Variants in MRPL49 observed in about 807,000 individuals in gnomAD.
The protein encoded by MRPL49 is mitochondrial ribosomal protein L49.
In MRPL49, 14 loss-of-function variants were observed where a neutral mutation model predicts 18.4. That is an observed-to-expected ratio of 0.76 (90% CI 0.50 to 1.19). MRPL49 has a LOEUF of 1.19. Among genes scored for constraint, MRPL49 ranks in the 50% most tolerant of loss-of-function variants. MRPL49 has a pLI of 0.00. For synonymous variants in MRPL49, 104 were observed against 86.2 expected (o/e 1.21, Z -1.14); for missense variants, 190 against 217.8 (o/e 0.87, Z 0.80).
In MRPL49 at chr11:65,122,430, A is replaced by G. The variant is rs766921323; in HGVS notation, c.78+6A>G. 1 of 1,610,552 alleles carries G rather than the reference A, an allele frequency of 6.2e-7. No homozygotes were observed. Among genetic ancestry groups the G allele is most frequent in the Admixed American group, 1.7e-5 (1 of 59,562 alleles). ...GCTGCGGGCTACGGCTGTTGGTGAG[A>G]GCGCTGAGCGAGGAGCTGAGGGCAT... On this transcript the variant is annotated splice_donor_region_variant and intron_variant, in intron 1 of 3. Transcript: ENST00000279242.
In MRPL49 at chr11:65,125,898, A is replaced by AATGC; in HGVS notation, c.*26_*27insATGC. The AATGC allele has an allele frequency of 6.3e-7, 1 of 1,590,100 alleles. No individual in the cohort carries two copies. Among genetic ancestry groups the AATGC allele is most frequent in the Non-Finnish European group, 8.6e-7 (1 of 1,165,438 alleles). ...GGCCCAGCCGAGCAGCCTGCTTGTC[A>AATGC]GCATGCCCTGTGGATCAAGTCTAGG... On this transcript the variant is annotated 3_prime_UTR_variant, in exon 4 of 4. Coordinates refer to ENST00000279242, the MANE Select transcript of MRPL49 (RefSeq NM_004927.4).
At position 65,126,645 on chromosome 11, in the gene MRPL49, G is replaced by C; in HGVS notation, c.*773G>C. The C allele has an allele frequency of 4.3e-6, 1 of 234,640 alleles. No individual in the cohort carries two copies. Among genetic ancestry groups the C allele is most frequent in the Non-Finnish European group, 8.3e-6 (1 of 120,232 alleles). 14.5% of individuals were successfully genotyped at this position (234,640 alleles called of 1,614,324 possible). On this transcript the variant is annotated 3_prime_UTR_variant, in exon 4 of 4. Coordinates refer to ENST00000279242, the MANE Select transcript of MRPL49 (RefSeq NM_004927.4). ...CAGATCTTGTTTGGTGCAGGTGATG[G>C]AGAACACAGATGACTCGGGCATGGG...
At chr11:65,122,282 A>G (rs1165452809), upstream of MRPL49, 4 of 1,567,664 alleles carry the variant, frequency 2.6e-6, no homozygotes, top group Non-Finnish European at 2.6e-6. Context: ...CTGGGCAGGC[A>G]GCTCGCGCAG....
intron 2 of MRPL49, 41 bp downstream of exon 2, chr11:65,124,693 G>A (rs1475172984): frequency 3.1e-6 from 5 of 1,603,010 alleles, no homozygotes; most frequent in African/African-American, 2.7e-5. Context: ...GCTTCACGGA[G>A]CATCACCTCC....
In MRPL49 at chr11:65,127,239, G is replaced by C; in HGVS notation, c.*1367G>C. Reference sequence around the variant, plus strand: ...AGTGTACAGCCACAGCAAGGAGCCCGACACTGATTTGATCGATTCTGTGAC... The same window carrying C: ...AGTGTACAGCCACAGCAAGGAGCCCCACACTGATTTGATCGATTCTGTGAC... On this transcript the variant is annotated 3_prime_UTR_variant, in exon 4 of 4. Coordinates refer to ENST00000279242, the MANE Select transcript of MRPL49 (RefSeq NM_004927.4). 1.9e-6 allele frequency: 1 copy of C among 518,976 alleles called. No individual in the cohort carries two copies. The highest frequency in any genetic ancestry group is 3.4e-6 in the Non-Finnish European group (1 of 293,648). 32.1% of individuals were successfully genotyped at this position (518,976 alleles called of 1,614,324 possible). A position where few individuals can be genotyped will look rare whatever the true frequency, so the allele number is the denominator to read the frequency against.
chr11:65,122,997 G>C (rs1948068263), intron 1 of MRPL49, among the ~76,000 whole-genome samples: 3 of 152,114 alleles, frequency 2.0e-5, no homozygotes, highest in African/African-American at 7.2e-5. Flanking sequence ...GGGATTACAG[G>C]CATGAGCCGC....
rs1278080277 is a variant in MRPL49, at chr11:65,125,605, A to G, written c.347A>G (p.Asp116Gly). 1.2e-6 allele frequency: 2 copies of G among 1,613,832 alleles called. No homozygotes were observed. Among genetic ancestry groups the G allele is most frequent in the South Asian group, 2.2e-5 (2 of 91,066 alleles). ...ACTGTGATCCGGAAAGTGGAAGGGG[A>G]CATCTGGGTAAGTGGGTGGGTGGGT... ...QMTVIRKVEG[D>G]IWALQKDVED... The change falls in exon 3 of 4, where the codon GAC (aspartate) becomes GGC (glycine). Residue 116 changes from aspartate (D) to glycine (G), a missense_variant. By Grantham distance (94) the Asp-to-Gly change is moderately conservative (BLOSUM62 -1). Transcript: ENST00000279242.
chr11:65,122,201 G>C (rs748577558), upstream of MRPL49: 9 of 776,322 alleles, frequency 1.2e-5, no homozygotes, highest in South Asian at 1.7e-5. Context: ...GCGACCGCGC[G>C]GTTCCCTGCT....
chr11:65,123,727 C>CT (rs1554996222), intron 1 of MRPL49, among the ~76,000 whole-genome samples: 2 of 151,804 alleles, frequency 1.3e-5, no homozygotes, highest in Admixed American at 1.3e-4. Context: ...GAGTGAGACT[C>CT]TATCTAAAAA....
At chr11:65,122,750 C>G (rs571630200) in intron 1 of MRPL49, among the ~76,000 whole-genome samples, 2 of 142,242 alleles carry the variant, frequency 1.4e-5, no homozygotes, top group Non-Finnish European at 3.0e-5. Flanking sequence ...GACGGAGTCT[C>G]GCTCTGTCGC....
At chr11:65,123,144 A>G (rs1948069924) in intron 1 of MRPL49, among the ~76,000 whole-genome samples, 1 of 152,340 alleles carries the variant, frequency 6.6e-6, no homozygotes, top group South Asian at 2.1e-4. Context: ...TGCCAATATA[A>G]TAATATCTAT....
At position 65,126,578 on chromosome 11, in the gene MRPL49, G is replaced by A. The variant is rs111359194; in HGVS notation, c.*706G>A. On this transcript the variant is annotated 3_prime_UTR_variant, in exon 4 of 4. Transcript: ENST00000279242. ...GGGCACTTTGTTTCCTTGGCCCTCC[G>A]AAGCTCACTGTTGCAAATACCCCCA... 5,816 of 164,234 alleles carry A rather than the reference G, an allele frequency of 0.035. 165 individuals are homozygous for A. The highest frequency in any genetic ancestry group is 0.071 in the East Asian group (411 of 5,772). 10.2% of individuals were successfully genotyped at this position (164,234 alleles called of 1,614,324 possible).
Position 65,124,485 on chromosome 11 carries a change from T to C in MRPL49, c.79-17T>C. On this transcript the variant is annotated splice_polypyrimidine_tract_variant and intron_variant, in intron 1 of 3. Coordinates refer to ENST00000279242, the MANE Select transcript of MRPL49 (RefSeq NM_004927.4). ...TGGGTAGGCTAATGGAGAAATGGGATTTTTGTTTTGCTTCAGAGCCAGACC... is the reference window on the plus strand; with the variant it reads ...TGGGTAGGCTAATGGAGAAATGGGACTTTTGTTTTGCTTCAGAGCCAGACC... The C allele has an allele frequency of 1.9e-6, 3 of 1,611,226 alleles. No homozygotes were observed. The highest frequency in any genetic ancestry group is 1.7e-6 in the Non-Finnish European group (2 of 1,178,648).
At position 65,127,114 on chromosome 11, in the gene MRPL49, T is replaced by C. The variant is rs1948111168; in HGVS notation, c.*1242T>C. On this transcript the variant is annotated 3_prime_UTR_variant, in exon 4 of 4. Transcript: ENST00000279242. ...CTGGGCTGCTTCTCTGTGTGTAAAATGGGCACATCTTCCTAATCTGTTAAT... is the reference window on the plus strand; with the variant it reads ...CTGGGCTGCTTCTCTGTGTGTAAAACGGGCACATCTTCCTAATCTGTTAAT... 1.4e-6 allele frequency: 1 copy of C among 692,408 alleles called. No homozygotes were observed. The highest frequency in any genetic ancestry group is 2.7e-5 in the East Asian group (1 of 37,176). 42.9% of individuals were successfully genotyped at this position (692,408 alleles called of 1,614,324 possible). A position where few individuals can be genotyped will look rare whatever the true frequency, so the allele number is the denominator to read the frequency against.
rs1474688857 is a variant in MRPL49 at position 65,126,960 on chromosome 11, T to C, written c.*1088T>C. 1 of 674,234 alleles carries C rather than the reference T, an allele frequency of 1.5e-6. No homozygotes were observed. Among genetic ancestry groups the C allele is most frequent in the East Asian group, 2.7e-5 (1 of 36,696 alleles). The allele number at this position is 674,234 out of a possible 1,614,324, so 41.8% of individuals were successfully genotyped here. On this transcript the variant is annotated 3_prime_UTR_variant, in exon 4 of 4. Coordinates refer to ENST00000279242, the MANE Select transcript of MRPL49 (RefSeq NM_004927.4). The stretch of plus-strand genomic sequence containing the variant: ...CCCAACCCCAGCTCACTAGCCTTCA[T>C]ATATGCCTTATACTTGGAGTCACAG...
intron 2 of MRPL49, chr11:65,124,976 A>T (rs1010555769): frequency 1.6e-5 from 5 of 311,064 alleles, no homozygotes. Context: ...GCTTGGAGTC[A>T]GGCAGTTCTG....
At chr11:65,125,691 C>T (rs1320806435) in intron 3 of MRPL49, 35 bp from the exon 4 acceptor site, 5 of 1,612,536 alleles carry the variant, frequency 3.1e-6, no homozygotes, top group Middle Eastern at 1.7e-4. Context: ...AGGGAAGGGA[C>T]TCTTGGCCTG....
chr11:65,124,418 A>G, intron 1 of MRPL49, 84 bp from the exon 2 acceptor site: 1 of 1,314,548 alleles, frequency 7.6e-7, no homozygotes, highest in Non-Finnish European at 1.1e-6. Flanking sequence ...TCTGCCTGTA[A>G]TGTTTCCATT....
At chr11:65,124,987 G>T in intron 2 of MRPL49, 1 of 303,408 alleles carries the variant, frequency 3.3e-6, no homozygotes, top group Non-Finnish European at 6.1e-6. Context: ...GGCAGTTCTG[G>T]GTTTGAATTT....
Sources: gnomAD v4.1 joint callset for allele counts (sites outside exome capture counted in the v4.1 genomes callset) on GRCh38, gnomAD v4.1.1 for gene constraint, MANE v1.5 for transcripts, NCBI Gene and HGNC (gene_info 2026-07-23, HGNC 2026-07-21) for gene names.